The following REDIC1 variants were observed in gnomAD, a reference collection of about 807,000 sequenced individuals.
The protein encoded by REDIC1 is HEI10 Interacting Protein 1.
At chr12:39,645,402 G>T in the REDIC1 span, among the ~76,000 whole-genome samples, 1 of 152,030 alleles carries the variant, frequency 6.6e-6, no homozygotes, top group Admixed American at 6.6e-5. Flanking sequence ...AACAGGAAGA[G>T]TGATGGTGCA....
At chr12:39,675,190 G>A in the REDIC1 span, among the ~76,000 whole-genome samples, 1 of 152,122 alleles carries the variant, frequency 6.6e-6, no homozygotes, top group East Asian at 1.9e-4. Context: ...TGCAGCAGAG[G>A]TAGCCATAAT....
At chr12:39,835,206 T>C in the REDIC1 span, among the ~76,000 whole-genome samples, 1 of 152,030 alleles carries the variant, frequency 6.6e-6, no homozygotes, top group East Asian at 1.9e-4. Flanking sequence ...TGGACTAAGG[T>C]CTAAATTCTA....
the REDIC1 span, among the ~76,000 whole-genome samples, chr12:39,728,246 T>C: frequency 7.9e-5 from 12 of 152,342 alleles, no homozygotes; most frequent in African/African-American, 1.9e-4. Context: ...TGCTTCCAGC[T>C]TTTGCCCATT....
the REDIC1 span, among the ~76,000 whole-genome samples, chr12:39,752,523 G>A: frequency 6.6e-6 from 1 of 152,046 alleles, no homozygotes. Flanking sequence ...ACAGGCAAGG[G>A]ATAAGAAAAG....
the REDIC1 span, among the ~76,000 whole-genome samples, chr12:39,854,749 CCTT>C: frequency 4.6e-5 from 7 of 152,178 alleles, no homozygotes; most frequent in South Asian, 2.1e-4. Context: ...CCTTTCCTCT[CCTT>C]CTGCATCATC....
At chr12:39,773,144 A>G in the REDIC1 span, among the ~76,000 whole-genome samples, 12 of 152,174 alleles carry the variant, frequency 7.9e-5, no homozygotes, top group African/African-American at 2.9e-4. Flanking sequence ...GTGGGCTGGG[A>G]TTAGAAAAAG....
chr12:39,709,750 C>T, the REDIC1 span, among the ~76,000 whole-genome samples: 1 of 151,736 alleles, frequency 6.6e-6, no homozygotes, highest in African/African-American at 2.4e-5. Context: ...CATTGGTGGT[C>T]ATTTAGGTTG....
At chr12:39,805,201 C>A in the REDIC1 span, among the ~76,000 whole-genome samples, 2 of 152,084 alleles carry the variant, frequency 1.3e-5, no homozygotes, top group African/African-American at 2.4e-5. Context: ...CTCTGCAGGG[C>A]GTGGTTTTTA....
At chr12:39,707,870 G>C in the REDIC1 span, among the ~76,000 whole-genome samples, 1 of 151,756 alleles carries the variant, frequency 6.6e-6, no homozygotes, top group Non-Finnish European at 1.5e-5. Flanking sequence ...AACATGGATG[G>C]AACTGGAGGT....
At chr12:39,799,430 A>G in the REDIC1 span, among the ~76,000 whole-genome samples, 2 of 132,798 alleles carry the variant, frequency 1.5e-5, no homozygotes, top group Non-Finnish European at 3.3e-5. Context: ...TTTAATCTCA[A>G]CCATTAGGAT....
the REDIC1 span, among the ~76,000 whole-genome samples, chr12:39,668,783 TCTTG>T: frequency 6.6e-6 from 1 of 152,280 alleles, no homozygotes; most frequent in East Asian, 1.9e-4. Context: ...TAAACTTCTC[TCTTG>T]CTTCATTTCA....
the REDIC1 span, among the ~76,000 whole-genome samples, chr12:39,670,646 A>T: frequency 6.6e-6 from 1 of 152,018 alleles, no homozygotes; most frequent in Non-Finnish European, 1.5e-5. Context: ...GGTTTTCTAT[A>T]CCATTAAACT....
chr12:39,681,250 T>G, the REDIC1 span, among the ~76,000 whole-genome samples: 1 of 152,052 alleles, frequency 6.6e-6, no homozygotes, highest in Admixed American at 6.6e-5. Context: ...CCAGCCTGAA[T>G]GAAAAGAGCA....
the REDIC1 span, among the ~76,000 whole-genome samples, chr12:39,848,007 T>C: frequency 2.0e-5 from 3 of 152,116 alleles, no homozygotes; most frequent in South Asian, 2.1e-4. Context: ...ACCTGGTGCA[T>C]GGTTAGCATT....
At chr12:39,866,980 G>C in the REDIC1 span, among the ~76,000 whole-genome samples, 1 of 152,160 alleles carries the variant, frequency 6.6e-6, no homozygotes, top group African/African-American at 2.4e-5. Flanking sequence ...TTTAACTACT[G>C]TTGGCTTAAA....
the REDIC1 span, among the ~76,000 whole-genome samples, chr12:39,862,087 C>G: frequency 6.6e-6 from 1 of 152,158 alleles, no homozygotes; most frequent in Non-Finnish European, 1.5e-5. Flanking sequence ...CCTTGTGTCC[C>G]TATGTTCTCA....
At chr12:39,776,238 G>A in the REDIC1 span, among the ~76,000 whole-genome samples, 1 of 146,170 alleles carries the variant, frequency 6.8e-6, no homozygotes, top group Non-Finnish European at 1.5e-5. Flanking sequence ...TTGACCAAAG[G>A]CCTCAAAATG....
chr12:39,714,843 C>G, the REDIC1 span, among the ~76,000 whole-genome samples: 1 of 151,664 alleles, frequency 6.6e-6, no homozygotes, highest in Non-Finnish European at 1.5e-5. Context: ...CATGTGTTTG[C>G]TGGCCATTGG....
the REDIC1 span, among the ~76,000 whole-genome samples, chr12:39,726,677 C>G: frequency 6.6e-6 from 1 of 151,954 alleles, no homozygotes; most frequent in Non-Finnish European, 1.5e-5. Context: ...GGGTATATAC[C>G]CAGTAGTGGG....
Sources: allele counts gnomAD v4.1 joint callset (sites outside exome capture counted in the v4.1 genomes callset), GRCh38; gene constraint gnomAD v4.1.1; transcripts MANE v1.5; gene names NCBI Gene and HGNC (gene_info 2026-07-23, HGNC 2026-07-21).